ZCWPW1: variants seen among roughly 807,000 people sequenced by gnomAD.
ZCWPW1 encodes the protein zinc finger CW-type and PWWP domain containing 1.
ZCWPW1 carries 56 observed loss-of-function variants against 81.3 expected under a neutral mutation model. The ratio of observed to expected loss-of-function variants is 0.69; its 90% CI spans 0.56 to 0.86. The LOEUF (loss-of-function observed/expected upper bound fraction) is 0.86, where lower values mean the gene tolerates loss of function less well. ZCWPW1 is among the 40% of genes least tolerant of loss of function. The pLI is 0.00. For synonymous variants in ZCWPW1, 250 were observed against 273.7 expected, an observed-to-expected ratio of 0.91 and a Z score of 0.86; for missense variants, 650 against 769.8, an observed-to-expected ratio of 0.84 and a Z score of 1.84.
chr7:100,408,075 TG>T (rs1330651089), intron 10 of ZCWPW1, among the ~76,000 whole-genome samples: 1 of 152,178 alleles, frequency 6.6e-6, no homozygotes, highest in Non-Finnish European at 1.5e-5. Context: ...CTCAGCGTCC[TG>T]AGTAGCTGGG....
intron 17 of ZCWPW1, 89 bp downstream of exon 17, chr7:100,401,800 G>C (rs192674581): frequency 6.8e-7 from 1 of 1,480,110 alleles, no homozygotes; most frequent in Non-Finnish European, 9.1e-7. Flanking sequence ...GTAATGAAAA[G>C]CTGTAAAATG....
Position 100,401,126 on chromosome 7 carries a change from A to G in ZCWPW1, c.1838T>C (p.Leu613Pro). 6.2e-7 allele frequency: 1 copy of G among 1,614,214 alleles called. No individual in the cohort carries two copies. The highest frequency in any genetic ancestry group is 8.5e-7 in the Non-Finnish European group (1 of 1,180,024). The change falls in exon 18 of 18, where the codon CTG (leucine) becomes CCG (proline). Residue 613 changes from leucine to proline, a missense_variant. Coordinates refer to ENST00000684423, the MANE Select transcript of ZCWPW1 (RefSeq NM_001386010.1). ...ATCTTCCATGAGTTGCTCCAGGTCC[A>G]GGTCACTGGAGGCTTCGTCCTCAAG... ...VPLEDEASSD[L>P]DLEQLMEDVG... is the part of the protein sequence containing the mutation.
chr7:100,427,686 G>A (rs1362027853), intron 1 of ZCWPW1, among the ~76,000 whole-genome samples: 31 of 147,474 alleles, frequency 2.1e-4, no homozygotes, highest in Non-Finnish European at 4.5e-4. Context: ...GCGACAGAGC[G>A]AGACAGTCTT....
At position 100,415,462 on chromosome 7, in the gene ZCWPW1, C is replaced by T. The variant is rs1440631830; in HGVS notation, c.754+513G>A. Among the ~76,000 whole-genome samples, 5 of 152,194 alleles carry T rather than the reference C, an allele frequency of 3.3e-5. No individual in the cohort carries two copies. The East Asian group carries it at 9.6e-4, about 29-fold the overall frequency. On this transcript the variant is annotated intron_variant, in intron 8 of 17. Coordinates refer to ENST00000684423, the MANE Select transcript of ZCWPW1 (RefSeq NM_001386010.1). ...GAAAAAGTGTCTACTCTTCAACCAG[C>T]TATAAGCTGCCATTCACGCTTATCA...
Position 100,405,005 on chromosome 7 carries a change from C to T in ZCWPW1, c.1254+8G>A. 6.2e-7 allele frequency: 1 copy of T among 1,612,630 alleles called. No individual in the cohort carries two copies. Among genetic ancestry groups the T allele is most frequent in the Non-Finnish European group, 8.5e-7 (1 of 1,179,254 alleles). On this transcript the variant is annotated splice_region_variant and intron_variant, in intron 13 of 17. Coordinates refer to ENST00000684423, the MANE Select transcript of ZCWPW1 (RefSeq NM_001386010.1). ...AAAGGAATGGGTGTGGTCTGAACAC[C>T]CTCCCACCTGAATGCTGATCTGTTC...
At chr7:100,423,477 C>G (rs1796711719) in intron 2 of ZCWPW1, among the ~76,000 whole-genome samples, 1 of 152,154 alleles carries the variant, frequency 6.6e-6, no homozygotes, top group Non-Finnish European at 1.5e-5. Context: ...ATAAGATAAA[C>G]TTAAAGGGTA....
intron 8 of ZCWPW1, among the ~76,000 whole-genome samples, chr7:100,415,018 T>C (rs1794928046): frequency 2.1e-5 from 3 of 145,870 alleles, no homozygotes; most frequent in African/African-American, 7.5e-5. Flanking sequence ...AGCAAGACTC[T>C]ATCTCAAAAC....
chr7:100,421,493 T>C (rs1796339034), intron 2 of ZCWPW1, among the ~76,000 whole-genome samples: 1 of 152,224 alleles, frequency 6.6e-6, no homozygotes, highest in Non-Finnish European at 1.5e-5. Context: ...CTCAGTCCAA[T>C]CAATTTTCAA....
intron 9 of ZCWPW1, among the ~76,000 whole-genome samples, chr7:100,409,031 A>G (rs1391791641): frequency 6.6e-6 from 1 of 152,146 alleles, no homozygotes; most frequent in Non-Finnish European, 1.5e-5. Flanking sequence ...ATTGGGCTGG[A>G]CAAGATCATC....
chr7:100,402,013 A>G lies in ZCWPW1; in HGVS notation c.1503T>C (p.Asp501=). ...TCCTCTGCAGTGTCCTGCCTCGGCC[A>G]TCTGCTGTGCCTGCATCACCCCCAA... ...RGLGGDAGTA[D]GRGRTLQRKI... The change falls in exon 17 of 18, where the codon GAT becomes GAC. Residue 501 remains aspartate (D), a synonymous_variant. Transcript: ENST00000684423. 1 of 1,613,398 alleles carries G rather than the reference A, an allele frequency of 6.2e-7. No individual in the cohort carries two copies. Among genetic ancestry groups the G allele is most frequent in the South Asian group, 1.1e-5 (1 of 90,988 alleles).
chr7:100,426,686 CCTCT>C (rs1400999953), intron 1 of ZCWPW1, among the ~76,000 whole-genome samples: 1 of 145,784 alleles, frequency 6.9e-6, no homozygotes, highest in Non-Finnish European at 1.5e-5. Context: ...CTCTTCCCTC[CCTCT>C]CTTCCTTCTT....
At chr7:100,411,193 G>A (rs1794084273) in intron 8 of ZCWPW1, among the ~76,000 whole-genome samples, 2 of 151,860 alleles carry the variant, frequency 1.3e-5, no homozygotes, top group Non-Finnish European at 2.9e-5. Context: ...CATCCCTCCA[G>A]AATCATCCCT....
chr7:100,428,527 C>G (rs1798202108), intron 1 of ZCWPW1, 41 bp downstream of exon 1: 1 of 152,866 alleles, frequency 6.5e-6, no homozygotes, highest in Admixed American at 6.5e-5. Flanking sequence ...TTTCCGTTCT[C>G]TAATTCCTCC....
chr7:100,414,962 T>C (rs1794914123), intron 8 of ZCWPW1, among the ~76,000 whole-genome samples: 1 of 147,686 alleles, frequency 6.8e-6, no homozygotes, highest in African/African-American at 2.5e-5. Flanking sequence ...GAGGAGAAGG[T>C]TGCAGTGAGT....
intron 2 of ZCWPW1, among the ~76,000 whole-genome samples, chr7:100,424,264 T>C (rs1051496069): frequency 1.2e-4 from 18 of 152,168 alleles, no homozygotes; most frequent in Non-Finnish European, 2.4e-4. Context: ...ATGACAACAT[T>C]TAGTTTTTAA....
intron 15 of ZCWPW1, 89 bp downstream of exon 15, chr7:100,403,605 C>T: frequency 8.8e-7 from 1 of 1,137,972 alleles, no homozygotes; most frequent in Non-Finnish European, 1.2e-6. Flanking sequence ...GGGAGGATTG[C>T]CTAAGTCCAG....
chr7:100,408,383 CT>C (rs1225870816), intron 10 of ZCWPW1, among the ~76,000 whole-genome samples, 155 bp downstream of exon 10: 1 of 152,204 alleles, frequency 6.6e-6, no homozygotes, highest in Non-Finnish European at 1.5e-5. Context: ...CTTTCAAAGC[CT>C]CCAGGCTTGG....
At chr7:100,425,785 A>G (rs752969317) in intron 1 of ZCWPW1, among the ~76,000 whole-genome samples, 22 of 152,346 alleles carry the variant, frequency 1.4e-4, no homozygotes, top group Non-Finnish European at 2.6e-4. Flanking sequence ...GTTTAGGAGA[A>G]TGTATTTTTC....
intron 9 of ZCWPW1, 30 bp from the exon 10 acceptor site, chr7:100,408,689 A>G: frequency 6.2e-7 from 1 of 1,604,488 alleles, no homozygotes; most frequent in South Asian, 1.1e-5. Flanking sequence ...ATGAAGGGAC[A>G]GGAAGAGACT....
Sources: allele counts gnomAD v4.1 joint callset (sites outside exome capture counted in the v4.1 genomes callset), GRCh38; gene constraint gnomAD v4.1.1; transcripts MANE v1.5; gene names NCBI Gene and HGNC (gene_info 2026-07-23, HGNC 2026-07-21).